WDR64: variants seen among roughly 807,000 people sequenced by gnomAD.
WDR64 encodes the protein WD repeat-containing protein 64.
A neutral mutation model predicts 139.3 loss-of-function variants in WDR64; 112 were observed. That is an observed-to-expected ratio of 0.80 (90% CI 0.69 to 0.94). WDR64 has a LOEUF of 0.94. WDR64 is among the 40% of genes least tolerant of loss of function. The pLI, the probability that WDR64 is intolerant of heterozygous loss-of-function variation, is 0.00. For synonymous variants in WDR64, 444 were observed against 437.7 expected (o/e 1.01, Z -0.18); for missense variants, 1,206 against 1,293.1 (o/e 0.93, Z 1.03).
At chr1:241,801,032 A>ATTTTTT in intron 27 of WDR64, 100 bp from the exon 28 acceptor site, 1 of 873,916 alleles carries the variant, frequency 1.1e-6, no homozygotes, top group South Asian at 1.7e-5. Flanking sequence ...TTCTAGGAGG[A>ATTTTTT]TTAAAATCTC....
intron 8 of WDR64, among the ~76,000 whole-genome samples, chr1:241,711,513 A>T (rs1000871114): frequency 6.6e-6 from 1 of 152,190 alleles, no homozygotes; most frequent in Admixed American, 6.5e-5. Flanking sequence ...AAGACCTTAT[A>T]ACAGGTCGGC....
chr1:241,709,871 A>C (rs1259993377), intron 8 of WDR64, among the ~76,000 whole-genome samples: 3 of 152,140 alleles, frequency 2.0e-5, no homozygotes, highest in Admixed American at 6.6e-5. Flanking sequence ...TAATCACAGG[A>C]AATTTGAGAC....
chr1:241,754,395 T>A (rs12134545), intron 14 of WDR64, among the ~76,000 whole-genome samples: 13,075 of 147,606 alleles, frequency 0.089, 773 homozygotes, highest in Admixed American at 0.15. Context: ...TCATGGCTCA[T>A]TGCAATCTCT....
intron 9 of WDR64, among the ~76,000 whole-genome samples, chr1:241,721,651 C>T (rs1233638518): frequency 6.6e-6 from 1 of 150,714 alleles, no homozygotes; most frequent in Non-Finnish European, 1.5e-5. Flanking sequence ...TCTAGGATCC[C>T]AGTTTGAAGT....
chr1:241,797,548 GACA>G (rs550652010), intron 27 of WDR64, among the ~76,000 whole-genome samples: 11 of 152,054 alleles, frequency 7.2e-5, no homozygotes, highest in Non-Finnish European at 1.0e-4. Flanking sequence ...AACAAATACT[GACA>G]ACAACAACAA....
rs190047004 is a variant in WDR64 at position 241,691,979 on chromosome 1, T to C, written c.974+4384T>C. On this transcript the variant is annotated intron_variant, in intron 8 of 27. Transcript: ENST00000437684. ...CGTAAGCCGAGATTGTGCCATTGCA[T>C]TCCAGCCTGGGCAACAGAGCAAGAC... is the stretch of plus-strand genomic sequence containing the variant. Among the ~76,000 whole-genome samples, 612 of 150,622 alleles carry C rather than the reference T, an allele frequency of 4.1e-3. 5 individuals carry two copies. The highest frequency in any genetic ancestry group is 0.014 in the African/African-American group (583 of 40,938).
chr1:241,705,932 C>G (rs1344336169), intron 8 of WDR64, among the ~76,000 whole-genome samples: 1 of 152,174 alleles, frequency 6.6e-6, no homozygotes, highest in African/African-American at 2.4e-5. Flanking sequence ...CACAGTCTGA[C>G]TTTCCCGGCC....
At chr1:241,727,073 G>A (rs1422642671) in intron 10 of WDR64, among the ~76,000 whole-genome samples, 1 of 152,102 alleles carries the variant, frequency 6.6e-6, no homozygotes, top group Non-Finnish European at 1.5e-5. Context: ...TTTTAGTAGA[G>A]ACAGGGTTTC....
At chr1:241,684,526 G>A (rs1286419219) in intron 7 of WDR64, among the ~76,000 whole-genome samples, 1 of 152,132 alleles carries the variant, frequency 6.6e-6, no homozygotes, top group Non-Finnish European at 1.5e-5. Context: ...AGAAGTACAA[G>A]TTAAAATCAG....
At chr1:241,718,987 T>G (rs1668506779) in intron 9 of WDR64, among the ~76,000 whole-genome samples, 1 of 152,136 alleles carries the variant, frequency 6.6e-6, no homozygotes, top group Non-Finnish European at 1.5e-5. Context: ...GTGTTGGGGC[T>G]AGGGCTTCAA....
chr1:241,708,221 A>T (rs1216077602), intron 8 of WDR64, among the ~76,000 whole-genome samples: 4 of 152,212 alleles, frequency 2.6e-5, no homozygotes, highest in African/African-American at 9.6e-5. Flanking sequence ...TTATTATCTC[A>T]TTATTTTATT....
chr1:241,687,585 G>C lies in WDR64; in HGVS notation c.964G>C (p.Glu322Gln), dbSNP rs375175483. The C allele has an allele frequency of 1.9e-6, 3 of 1,612,620 alleles. No individual in the cohort carries two copies. The highest frequency in any genetic ancestry group is 1.3e-5 in the African/African-American group (1 of 74,932). ...AGTTTTGGAATCCTTGAAGAGACTC[G>C]AGGATAATTTGTAAGTATAGTAATT... is the stretch of plus-strand genomic sequence containing the variant. ...SLVLESLKRLEDNLPVREFSM... is the reference protein window; with the variant it reads ...SLVLESLKRLQDNLPVREFSM... The change falls in exon 8 of 28, where the codon GAG (glutamate) becomes CAG (glutamine). Residue 322 changes from glutamate (E) to glutamine (Q), a missense_variant. Physicochemically the swap from Glu to Gln is conservative, Grantham distance 29. Transcript: ENST00000437684.
rs373067370 is a variant in WDR64 at position 241,796,294 on chromosome 1, T to C, written c.3116T>C (p.Ile1039Thr). The C allele has an allele frequency of 9.7e-5, 157 of 1,613,790 alleles. No individual in the cohort carries two copies. Among genetic ancestry groups the C allele is most frequent in the African/African-American group, 2.0e-4 (15 of 74,972 alleles). ...SPTSLRFLPLIGVEAQKDSSD... is the reference protein window; with the variant it reads ...SPTSLRFLPLTGVEAQKDSSD... ...ACTAGTCTAAGATTTCTTCCACTGA[T>C]TGGCGTAGAAGCCCAAAAGGACTCT... Residue 1039 changes from isoleucine (I) to threonine (T), a missense_variant, in exon 27 of 28, where the codon ATT becomes ACT. Physicochemically the swap from Ile to Thr is moderately conservative, Grantham distance 89. Transcript: ENST00000437684.
intron 10 of WDR64, among the ~76,000 whole-genome samples, chr1:241,737,260 A>G (rs1439842384): frequency 6.6e-6 from 1 of 152,236 alleles, no homozygotes; most frequent in Non-Finnish European, 1.5e-5. Context: ...CATTTGAGCA[A>G]AAGCTCCTCA....
chr1:241,747,633 G>A (rs1669811867), intron 13 of WDR64, among the ~76,000 whole-genome samples: 1 of 152,130 alleles, frequency 6.6e-6, no homozygotes, highest in Non-Finnish European at 1.5e-5. Context: ...TGTCTCCTTG[G>A]TATGTAATAA....
intron 3 of WDR64, among the ~76,000 whole-genome samples, chr1:241,672,549 A>C (rs1666275051): frequency 6.6e-6 from 1 of 152,192 alleles, no homozygotes; most frequent in South Asian, 2.1e-4. Flanking sequence ...AGCGGTGAAC[A>C]AACAGACACA....
Position 241,687,551 on chromosome 1 carries a change from T to C in WDR64, c.930T>C (p.Asn310=), listed in dbSNP as rs377238539. 59 of 1,613,666 alleles carry C rather than the reference T, an allele frequency of 3.7e-5. No homozygotes were observed. Among genetic ancestry groups the C allele is most frequent in the Non-Finnish European group, 4.9e-5 (58 of 1,179,804 alleles). ...TTGGATCCTGCTCCTTAGACAGTAA[T>C]CATTCATTAGTTTTGGAATCCTTGA... ...NCFGSCSLDS[N]HSLVLESLKR... is the part of the protein sequence containing the mutation. Residue 310 remains asparagine, a synonymous_variant, in exon 8 of 28, where the codon AAT becomes AAC. Transcript: ENST00000437684.
At chr1:241,670,945 TGAC>T in intron 2 of WDR64, 126 bp from the exon 3 acceptor site, 1 of 623,506 alleles carries the variant, frequency 1.6e-6, no homozygotes, top group Non-Finnish European at 2.7e-6. Context: ...GGGAACCCCC[TGAC>T]ATTCACAAAG....
intron 14 of WDR64, among the ~76,000 whole-genome samples, chr1:241,753,808 C>T (rs1024050541): frequency 9.9e-5 from 15 of 151,970 alleles, no homozygotes; most frequent in African/African-American, 3.6e-4. Context: ...TAGCAAGAAC[C>T]ATGCAAAAGT....
Sources: gnomAD v4.1 joint callset for allele counts (sites outside exome capture counted in the v4.1 genomes callset) on GRCh38, gnomAD v4.1.1 for gene constraint, MANE v1.5 for transcripts, NCBI Gene and HGNC (gene_info 2026-07-23, HGNC 2026-07-21) for gene names.